The following PSMC1 variants were observed in gnomAD, a reference collection of about 807,000 sequenced individuals.
PSMC1 encodes proteasome 26S subunit, ATPase 1.
Under a neutral mutation model 49.8 loss-of-function variants are expected in PSMC1, and 5 were observed. The ratio of observed to expected loss-of-function variants is 0.10; its 90% confidence interval spans 0.05 to 0.21. The LOEUF (loss-of-function observed/expected upper bound fraction) is 0.21. Ranked by LOEUF, PSMC1 falls within the 10% of genes least tolerant of loss-of-function variation. The pLI, the probability that PSMC1 is intolerant of heterozygous loss-of-function variation, is 1.00. For synonymous variants in PSMC1, 155 were observed against 192.1 expected, an observed-to-expected ratio of 0.81 and a Z score of 1.60; for missense variants, 181 against 535.7, an observed-to-expected ratio of 0.34 and a Z score of 6.54.
Position 90,274,919 on chromosome 14 carries a change from T to A in PSMC1, c.*2512T>A, listed in dbSNP as rs890730927. On this transcript the variant is annotated 3_prime_UTR_variant, in exon 11 of 11. Coordinates refer to ENST00000261303, the MANE Select transcript of PSMC1 (RefSeq NM_002802.3). The stretch of plus-strand genomic sequence containing the variant: ...TTTGAGAGTCTGCCACAAAACACTG[T>A]TCAGTTAGAAAGGGAAAGTCACACT... 4.6e-5 allele frequency: 7 copies of A among 151,884 alleles called. No homozygotes were observed. The highest frequency in any genetic ancestry group is 1.7e-4 in the African/African-American group (7 of 41,290). 9.4% of individuals were successfully genotyped at this position (151,884 alleles called of 1,614,324 possible).
intron 6 of PSMC1, among the ~76,000 whole-genome samples, chr14:90,264,804 A>G (rs1200824640): frequency 6.6e-6 from 1 of 152,206 alleles, no homozygotes; most frequent in Non-Finnish European, 1.5e-5. Context: ...TCTCTTGCTC[A>G]AGAAGAGCTC....
intron 10 of PSMC1, chr14:90,271,000 T>G (rs1464740100): frequency 6.6e-6 from 1 of 152,112 alleles, no homozygotes; most frequent in Non-Finnish European, 1.5e-5. Context: ...CCTAGAGAAC[T>G]AGATGTCTCT....
chr14:90,257,963 TTA>T (rs1891327743), intron 1 of PSMC1, among the ~76,000 whole-genome samples: 1 of 152,244 alleles, frequency 6.6e-6, no homozygotes, highest in Non-Finnish European at 1.5e-5. Flanking sequence ...ATTTTCTCAT[TTA>T]TTACAACAGT....
At chr14:90,263,127 T>G (rs1361104816) in intron 3 of PSMC1, among the ~76,000 whole-genome samples, 191 bp from the exon 4 acceptor site, 1 of 152,180 alleles carries the variant, frequency 6.6e-6, no homozygotes, top group African/African-American at 2.4e-5. Context: ...CCATCCCCAT[T>G]TTGAAGGGCT....
chr14:90,274,735 T>TAACA lies in PSMC1; in HGVS notation c.*2333_*2336dup, dbSNP rs976352663. 6.7e-6 allele frequency: 1 copy of TAACA among 148,728 alleles called. No individual in the cohort carries two copies. The highest frequency in any genetic ancestry group is 2.5e-5 in the African/African-American group (1 of 40,302). The allele number at this position is 148,728 out of a possible 1,614,324, so 9.2% of individuals were successfully genotyped here. ...CAAACTCGGGACAATCTGAGCATCC[T>TAACA]AACAAACAGTTACTATTAATGGAAT... On this transcript the variant is annotated 3_prime_UTR_variant, in exon 11 of 11. Transcript: ENST00000261303.
chr14:90,269,292 G>A (rs893010999), intron 8 of PSMC1, 105 bp from the exon 9 acceptor site: 1 of 999,050 alleles, frequency 1.0e-6, no homozygotes, highest in Non-Finnish European at 1.5e-6. Flanking sequence ...AGTTGAAACA[G>A]GAATGTTTGT....
intron 7 of PSMC1, among the ~76,000 whole-genome samples, chr14:90,265,540 T>G (rs924928314): frequency 3.3e-5 from 5 of 151,614 alleles, no homozygotes; most frequent in Non-Finnish European, 7.4e-5. Flanking sequence ...AATACAAAAA[T>G]TAGCCGGGTG....
At chr14:90,257,162 A>C (rs1258899791) in intron 1 of PSMC1, among the ~76,000 whole-genome samples, 1 of 151,986 alleles carries the variant, frequency 6.6e-6, no homozygotes, top group Non-Finnish European at 1.5e-5. Flanking sequence ...AACAGCTAGC[A>C]TTTATTCATC....
intron 7 of PSMC1, among the ~76,000 whole-genome samples, chr14:90,266,639 G>C (rs1891523095): frequency 6.6e-6 from 1 of 152,218 alleles, no homozygotes; most frequent in African/African-American, 2.4e-5. Context: ...AGGGGCTGCG[G>C]TACAGGGCTG....
chr14:90,268,423 C>G lies in PSMC1; in HGVS notation c.881+10C>G. 1 of 1,613,576 alleles carries G rather than the reference C, an allele frequency of 6.2e-7. No homozygotes were observed. Reference sequence around the variant, plus strand: ...CCATTGGGACAAAAAGGTAGACTTTCTCATACTTATTTTGCCTTGTTTAGT... The same window carrying G: ...CCATTGGGACAAAAAGGTAGACTTTGTCATACTTATTTTGCCTTGTTTAGT... On this transcript the variant is annotated intron_variant, in intron 8 of 10. Transcript: ENST00000261303.
rs1248708181 is a variant in PSMC1 at position 90,260,132 on chromosome 14, T to C, written c.75T>C (p.Tyr25=). The stretch of plus-strand genomic sequence containing the variant: ...AACTCAAGGACAAGAAAAAGAAATA[T>C]GAACCTCCTGTACCAACTAGAGTGG... ...KKDDKDKKKK[Y]EPPVPTRVGK... is the part of the protein sequence containing the mutation. Residue 25 remains tyrosine (Y), a synonymous_variant, in exon 3 of 11, where the codon TAT becomes TAC. Transcript: ENST00000261303. 3.8e-6 allele frequency: 6 copies of C among 1,587,602 alleles called. No homozygotes were observed. In the African/African-American group the frequency reaches 6.8e-5, roughly 18 times the overall value.
chr14:90,268,508 GC>G, intron 8 of PSMC1, 95 bp downstream of exon 8: 1 of 1,257,740 alleles, frequency 8.0e-7, no homozygotes, highest in Non-Finnish European at 1.1e-6. Flanking sequence ...TCTCCCTATG[GC>G]CACAGTTCTT....
chr14:90,264,217 T>C (rs1566672994), intron 6 of PSMC1, 48 bp downstream of exon 6: 2 of 1,606,812 alleles, frequency 1.2e-6, no homozygotes, highest in Non-Finnish European at 1.7e-6. Context: ...TGGTTTCTGT[T>C]GTCCCATTTA....
chr14:90,272,256 ACT>A lies in PSMC1; in HGVS notation c.1189-14_1189-13del. ...AATGAGTATGTCACTTTCTGAACACACTCTTCTTTCTTACAGGCAATCTGTAC... is the reference window on the plus strand; with the variant it reads ...AATGAGTATGTCACTTTCTGAACACACTTCTTTCTTACAGGCAATCTGTAC... On this transcript the variant is annotated splice_polypyrimidine_tract_variant and intron_variant, in intron 10 of 10. Coordinates refer to ENST00000261303, the MANE Select transcript of PSMC1 (RefSeq NM_002802.3). This position sits in a 1 kb window ranked among gnomAD's most constrained non-coding sequence, Gnocchi z 4.5. The A allele has an allele frequency of 6.2e-7, 1 of 1,601,084 alleles. No individual in the cohort carries two copies. Among genetic ancestry groups the A allele is most frequent in the Admixed American group, 1.8e-5 (1 of 56,026 alleles).
chr14:90,268,018 T>C, intron 7 of PSMC1: 1 of 484,366 alleles, frequency 2.1e-6, no homozygotes, highest in South Asian at 3.8e-5. Flanking sequence ...TAGCTAAGGA[T>C]AATCCAAACA....
chr14:90,270,935 CA>C (rs1891644315), intron 10 of PSMC1: 1 of 152,268 alleles, frequency 6.6e-6, no homozygotes, highest in Admixed American at 6.5e-5. Flanking sequence ...ACAGCACAAG[CA>C]GTGCCTTTCC....
At chr14:90,267,513 A>G (rs1435003873) in intron 7 of PSMC1, 1 of 152,232 alleles carries the variant, frequency 6.6e-6, no homozygotes, top group Non-Finnish European at 1.5e-5. Flanking sequence ...AGTATTGGAA[A>G]TGATGTTTGA....
intron 3 of PSMC1, among the ~76,000 whole-genome samples, chr14:90,261,197 C>T (rs905754114): frequency 7.9e-5 from 12 of 152,132 alleles, no homozygotes; most frequent in African/African-American, 1.2e-4. Flanking sequence ...TGCCCTTACT[C>T]ACTCCTCTGC....
At chr14:90,261,755 G>T (rs1198834182) in intron 3 of PSMC1, among the ~76,000 whole-genome samples, 1 of 151,598 alleles carries the variant, frequency 6.6e-6, no homozygotes, top group Non-Finnish European at 1.5e-5. Flanking sequence ...GATTCCTCAA[G>T]GATCTAGAAC....
Sources: gnomAD v4.1 joint callset for allele counts (sites outside exome capture counted in the v4.1 genomes callset) on GRCh38, gnomAD v4.1.1 for gene constraint, Gnocchi (gnomAD v3.1) non-coding constraint, MANE v1.5 for transcripts, NCBI Gene and HGNC (gene_info 2026-07-23, HGNC 2026-07-21) for gene names.